Variants in FAM186B observed in about 807,000 individuals in gnomAD.
FAM186B encodes family with sequence similarity 186 member B.
FAM186B carries 68 observed loss-of-function variants against 83.4 expected under a neutral mutation model. The observed-to-expected ratio is 0.81, with a 90% CI of 0.67 to 1.00. FAM186B has a LOEUF of 1.00. Among genes scored for constraint, FAM186B ranks in the 50% least tolerant of loss-of-function variants. FAM186B has a pLI of 0.00. For missense variants in FAM186B, 983 were observed against 1,099.2 expected (o/e 0.89, Z 1.49); for synonymous variants, 389 against 422.0 (o/e 0.92, Z 0.96).
rs1397690997 is a variant in FAM186B at position 49,600,254 on chromosome 12, CTGCT to C, written c.1382_1385del (p.Lys461SerfsTer4). The C allele has an allele frequency of 6.2e-7, 1 of 1,613,814 alleles. No homozygotes were observed. Among genetic ancestry groups the C allele is most frequent in the Non-Finnish European group, 8.5e-7 (1 of 1,179,898 alleles). ...CCTGCCTGGAGCTCTCTAGAGACAG[CTGCT>C]TGCTACAGTGGAACTTAATTTGGAG... On this transcript the variant is annotated frameshift_variant, in exon 4 of 7. Coordinates refer to ENST00000257894, the MANE Select transcript of FAM186B (RefSeq NM_032130.3). LOFTEE classifies it high-confidence loss of function. This position sits in a 1 kb window ranked among gnomAD's most constrained non-coding sequence, Gnocchi z 4.3.
upstream of FAM186B, among the ~76,000 whole-genome samples, chr12:49,610,108 AC>A (rs1940069586): frequency 6.6e-6 from 1 of 151,242 alleles, no homozygotes; most frequent in South Asian, 2.1e-4. Context: ...TACAGTCATT[AC>A]CCCCTAGGCA....
chr12:49,586,505 AGAAGCT>A (rs1419442189), downstream of FAM186B, among the ~76,000 whole-genome samples: 1 of 152,176 alleles, frequency 6.6e-6, no homozygotes, highest in African/African-American at 2.4e-5. Flanking sequence ...CCCGAGACTC[AGAAGCT>A]GGGCAGATCC....
upstream of FAM186B, among the ~76,000 whole-genome samples, chr12:49,609,158 G>A (rs1286198988): frequency 6.6e-6 from 1 of 152,176 alleles, no homozygotes; most frequent in Non-Finnish European, 1.5e-5. Context: ...TGCTACAGCT[G>A]TGGTTTCTCC....
downstream of FAM186B, among the ~76,000 whole-genome samples, chr12:49,585,261 G>A (rs1423236254): frequency 1.3e-5 from 2 of 152,098 alleles, no homozygotes; most frequent in Non-Finnish European, 2.9e-5. Context: ...CTCGTGATCT[G>A]CCCACCTCGG....
chr12:49,595,301 CA>C, intron 5 of FAM186B: 6 of 672,524 alleles, frequency 8.9e-6, no homozygotes, highest in South Asian at 1.4e-5. Context: ...CTTGAAGATG[CA>C]AAAAAAGAGG....
chr12:49,605,901 G>C (rs1940010111), upstream of FAM186B, among the ~76,000 whole-genome samples: 1 of 151,688 alleles, frequency 6.6e-6, no homozygotes, highest in Non-Finnish European at 1.5e-5. Flanking sequence ...TGGGATTACA[G>C]GTGCGTGCCA....
intron 5 of FAM186B, chr12:49,594,011 GGGAAT>G (rs1939652011): frequency 6.2e-6 from 1 of 161,818 alleles, no homozygotes; most frequent in Non-Finnish European, 1.4e-5. Flanking sequence ...TGGGTAGGTA[GGGAAT>G]TGGTGGGTTG....
At chr12:49,601,190 A>G (rs1939887072) in intron 3 of FAM186B, 56 bp from the exon 4 acceptor site, 10 of 1,509,988 alleles carry the variant, frequency 6.6e-6, no homozygotes, top group Non-Finnish European at 1.8e-6. Flanking sequence ...CAAGGATTGC[A>G]TTGATTCTCC....
chr12:49,608,615 T>C (rs1394828028), upstream of FAM186B, among the ~76,000 whole-genome samples: 2 of 151,986 alleles, frequency 1.3e-5, no homozygotes, highest in Non-Finnish European at 2.9e-5. Context: ...TGGGCTTTAA[T>C]TCAAGAAAGA....
At chr12:49,619,664 T>TCA in the FAM186B span, 1 of 293,410 alleles carries the variant, frequency 3.4e-6, no homozygotes, top group Non-Finnish European at 6.4e-6. Flanking sequence ...TAGTTAGACA[T>TCA]CTCTTTTTTT....
chr12:49,600,713 CAGG>C lies in FAM186B; in HGVS notation c.924_926del (p.Leu309del). 6.2e-7 allele frequency: 1 copy of C among 1,614,202 alleles called. No individual in the cohort carries two copies. The highest frequency in any genetic ancestry group is 8.5e-7 in the Non-Finnish European group (1 of 1,180,022). ...GCTGGAACTCCAAGGCCTGCTTCAT[CAGG>C]AGAAGGTCATGGTACCTTCCCCCTA... is the stretch of plus-strand genomic sequence containing the variant. On this transcript the variant is annotated inframe_deletion, in exon 4 of 7. Transcript: ENST00000257894. This position sits in a 1 kb window ranked among gnomAD's most constrained non-coding sequence, Gnocchi z 4.3.
Position 49,598,902 on chromosome 12 carries a change from A to G in FAM186B, c.2217T>C (p.Ala739=), listed in dbSNP as rs1339174650. The G allele has an allele frequency of 6.2e-7, 1 of 1,613,604 alleles. No individual in the cohort carries two copies. The highest frequency in any genetic ancestry group is 1.3e-5 in the African/African-American group (1 of 74,858). Residue 739 remains alanine (A), a synonymous_variant, in exon 5 of 7, where the codon GCT becomes GCC. Coordinates refer to ENST00000257894, the MANE Select transcript of FAM186B (RefSeq NM_032130.3). ...TGTAGAGGTTCTGGGCCTTGTAGGA[A>G]GCCTCCGTTTCTTTCATGATTTGTA... The part of the protein sequence containing the change: ...NHVQIMKETE[A]SYKAQNLYIF...
At chr12:49,608,262 G>A (rs1466527577), upstream of FAM186B, among the ~76,000 whole-genome samples, 1 of 150,146 alleles carries the variant, frequency 6.7e-6, no homozygotes, top group Non-Finnish European at 1.5e-5. Flanking sequence ...AGCCTGAGGC[G>A]GGTGGATCAC....
Position 49,600,884 on chromosome 12 carries a change from C to T in FAM186B, c.756G>A (p.Lys252=). 1.2e-6 allele frequency: 2 copies of T among 1,614,178 alleles called. No homozygotes were observed. The highest frequency in any genetic ancestry group is 1.3e-5 in the African/African-American group (1 of 75,050). Residue 252 remains lysine, a synonymous_variant, in exon 4 of 7, where the codon AAG becomes AAA. Transcript: ENST00000257894. This position sits in a 1 kb window ranked among gnomAD's most constrained non-coding sequence, Gnocchi z 4.3. The stretch of plus-strand genomic sequence containing the variant: ...ATTTGGTCTCCAGGCTCCTGTTCTC[C>T]TTGTGTTGGAGGATCAAGGCCTTGT... ...NLNKALILQH[K]ENRSLETKYR... is the part of the protein sequence containing the mutation.
downstream of FAM186B, among the ~76,000 whole-genome samples, chr12:49,584,979 T>G (rs1185876214): frequency 6.6e-6 from 1 of 152,134 alleles, no homozygotes; most frequent in Non-Finnish European, 1.5e-5. Flanking sequence ...TCTGTTCATG[T>G]GCATCTCGGT....
chr12:49,613,938 CAGG>C, the FAM186B span, among the ~76,000 whole-genome samples: 3 of 151,888 alleles, frequency 2.0e-5, no homozygotes, highest in Non-Finnish European at 4.4e-5. Flanking sequence ...CACCTGAGGT[CAGG>C]AGTTCAAGAC....
chr12:49,584,490 T>C (rs1939398749), downstream of FAM186B: 1 of 702,286 alleles, frequency 1.4e-6, no homozygotes, highest in East Asian at 2.7e-5. Context: ...CAGTGGAGAC[T>C]GGGGCTGTCT....
chr12:49,606,486 GACACAC>G (rs57458344), upstream of FAM186B, among the ~76,000 whole-genome samples: 596 of 136,084 alleles, frequency 4.4e-3, no homozygotes, highest in East Asian at 0.014. Context: ...TAGATACCCT[GACACAC>G]ACACACACAC....
In FAM186B at chr12:49,599,938, C is replaced by T. The variant is rs1939833071; in HGVS notation, c.1702G>A (p.Asp568Asn). 1 of 1,613,902 alleles carries T rather than the reference C, an allele frequency of 6.2e-7. No individual in the cohort carries two copies. The highest frequency in any genetic ancestry group is 8.5e-7 in the Non-Finnish European group (1 of 1,179,912). The change falls in exon 4 of 7, where the codon GAC becomes AAC. Residue 568 changes from aspartate (D) to asparagine (N), a missense_variant. By Grantham distance (23) the Asp-to-Asn change is conservative (BLOSUM62 1). Coordinates refer to ENST00000257894, the MANE Select transcript of FAM186B (RefSeq NM_032130.3). Reference protein sequence around the residue: ...RIFTPTSRWRDLEKAELSLVP... With the variant: ...RIFTPTSRWRNLEKAELSLVP... ...AATGATAGCTCTGCCTTCTCCAAGT[C>T]CCTCCATCGACTGGTGGGTGTGAAG...
Sources: allele counts gnomAD v4.1 joint callset (sites outside exome capture counted in the v4.1 genomes callset), GRCh38; gene constraint gnomAD v4.1.1; non-coding constraint Gnocchi (gnomAD v3.1); transcripts MANE v1.5; gene names NCBI Gene and HGNC (gene_info 2026-07-23, HGNC 2026-07-21).